ASAP2: variants seen among roughly 807,000 people sequenced by gnomAD.
ASAP2 encodes the protein arf-GAP with SH3 domain, ANK repeat and PH domain-containing protein 2.
In ASAP2, 45 loss-of-function variants were observed where a neutral mutation model predicts 131.4. That is an observed-to-expected ratio of 0.34 (90% CI 0.27 to 0.44). The LOEUF (loss-of-function observed/expected upper bound fraction) is 0.44. ASAP2 is among the 20% of genes least tolerant of loss of function. ASAP2 has a pLI of 1.00. For synonymous variants in ASAP2, 510 were observed against 503.0 expected, an observed-to-expected ratio of 1.01 and a Z score of -0.19; for missense variants, 1,011 against 1,297.0, an observed-to-expected ratio of 0.78 and a Z score of 3.39.
At chr2:9,308,294 G>A (rs1040864601) in intron 3 of ASAP2, among the ~76,000 whole-genome samples, 4 of 152,198 alleles carry the variant, frequency 2.6e-5, no homozygotes, top group African/African-American at 9.7e-5. Flanking sequence ...ATGGCCGTGG[G>A]CAGGGGCAAG....
intron 20 of ASAP2, among the ~76,000 whole-genome samples, chr2:9,384,715 G>T (rs1242110032): frequency 6.6e-6 from 1 of 152,252 alleles, no homozygotes; most frequent in African/African-American, 2.4e-5. Flanking sequence ...GGGGTTCCAT[G>T]CCCTCCCTGG....
At chr2:9,241,066 C>CT in intron 1 of ASAP2, among the ~76,000 whole-genome samples, 1 of 152,136 alleles carries the variant, frequency 6.6e-6, no homozygotes, top group East Asian at 1.9e-4. Context: ...TATTTCTGGA[C>CT]TTTTCTGTGG....
At chr2:9,252,190 T>C (rs1163185577) in intron 1 of ASAP2, among the ~76,000 whole-genome samples, 1 of 152,214 alleles carries the variant, frequency 6.6e-6, no homozygotes, top group Non-Finnish European at 1.5e-5. Flanking sequence ...CTGCTAGGAC[T>C]GCATTGGAGT....
At position 9,213,199 on chromosome 2, in the gene ASAP2, C is replaced by T. The variant is rs571246213; in HGVS notation, c.126+5969C>T. 1.1e-4 allele frequency among the ~76,000 whole-genome samples: 16 copies of T among 152,304 alleles called. No individual in the cohort carries two copies. In the East Asian group the frequency reaches 3.1e-3, roughly 29 times the overall value. On this transcript the variant is annotated intron_variant, in intron 1 of 27. Coordinates refer to ENST00000281419, the MANE Select transcript of ASAP2 (RefSeq NM_003887.3). ...CCTCTCTGCAGAGGTGACATTTGAG[C>T]AGGCTGGAATGCAGAGAGGAAGCCA... is the stretch of plus-strand genomic sequence containing the variant.
intron 16 of ASAP2, among the ~76,000 whole-genome samples, chr2:9,371,065 G>A (rs558638502): frequency 1.3e-5 from 2 of 152,308 alleles, no homozygotes; most frequent in South Asian, 2.1e-4. Context: ...CTGGGGCTAG[G>A]CGATTCTAAA....
chr2:9,350,556 C>T (rs767637785), intron 11 of ASAP2: 16 of 367,044 alleles, frequency 4.4e-5, no homozygotes, highest in South Asian at 1.1e-4. Context: ...CATCGCTTGT[C>T]CTCTTGTCCA....
chr2:9,270,843 A>T (rs1572311316), intron 1 of ASAP2, among the ~76,000 whole-genome samples: 1 of 115,210 alleles, frequency 8.7e-6, no homozygotes, highest in African/African-American at 3.5e-5. Context: ...CCCAGGCTGG[A>T]GTGCAGTGGC....
chr2:9,384,807 T>C (rs985497376), intron 20 of ASAP2, among the ~76,000 whole-genome samples: 1 of 152,220 alleles, frequency 6.6e-6, no homozygotes, highest in African/African-American at 2.4e-5. Flanking sequence ...TGGAAGCTTC[T>C]TGGTGTCAGC....
chr2:9,394,405 C>T (rs1381880128), intron 24 of ASAP2, among the ~76,000 whole-genome samples: 10 of 152,074 alleles, frequency 6.6e-5, no homozygotes, highest in African/African-American at 2.4e-4. Flanking sequence ...ACCTCGTGAT[C>T]CACCTGCCTC....
chr2:9,332,229 C>G (rs957793895), intron 7 of ASAP2, among the ~76,000 whole-genome samples: 1 of 152,114 alleles, frequency 6.6e-6, no homozygotes, highest in African/African-American at 2.4e-5. Context: ...ATGGGCTCAA[C>G]TTAAGAAAAT....
chr2:9,214,681 T>G (rs933867454), intron 1 of ASAP2, among the ~76,000 whole-genome samples: 11 of 152,084 alleles, frequency 7.2e-5, no homozygotes, highest in African/African-American at 2.7e-4. Flanking sequence ...TTGACTGATT[T>G]AGTTTCTTCA....
chr2:9,383,760 A>G (rs771389002), intron 20 of ASAP2, among the ~76,000 whole-genome samples: 1 of 152,130 alleles, frequency 6.6e-6, no homozygotes, highest in Non-Finnish European at 1.5e-5. Context: ...CTTGGAACCA[A>G]CCCAAATGTC....
At chr2:9,247,333 G>T (rs1181420448) in intron 1 of ASAP2, among the ~76,000 whole-genome samples, 1 of 152,178 alleles carries the variant, frequency 6.6e-6, no homozygotes, top group Non-Finnish European at 1.5e-5. Flanking sequence ...TCTTGGAACT[G>T]CTCCCAGTCC....
chr2:9,316,992 C>G (rs1330720946), intron 3 of ASAP2, among the ~76,000 whole-genome samples: 2 of 148,130 alleles, frequency 1.4e-5, no homozygotes, highest in Non-Finnish European at 3.0e-5. Context: ...CATGTCCACT[C>G]TCATACACTC....
chr2:9,368,118 T>C (rs145365491), intron 15 of ASAP2, among the ~76,000 whole-genome samples: 3 of 152,314 alleles, frequency 2.0e-5, no homozygotes, highest in East Asian at 1.9e-4. Flanking sequence ...GCACAGGTCA[T>C]TGGGAGGAGT....
chr2:9,351,538 T>TC (rs1361190227), intron 12 of ASAP2, among the ~76,000 whole-genome samples: 1 of 151,960 alleles, frequency 6.6e-6, no homozygotes, highest in Admixed American at 6.6e-5. Context: ...AGGGTTAGAG[T>TC]CTAGGGGAAG....
At chr2:9,243,724 C>T (rs558651611) in intron 1 of ASAP2, among the ~76,000 whole-genome samples, 3 of 152,270 alleles carry the variant, frequency 2.0e-5, no homozygotes, top group East Asian at 3.9e-4. Context: ...CATTCTGGTA[C>T]GTAGTCACTC....
intron 9 of ASAP2, among the ~76,000 whole-genome samples, chr2:9,343,699 G>A (rs1343421239): frequency 6.6e-6 from 1 of 152,162 alleles, no homozygotes; most frequent in East Asian, 1.9e-4. Context: ...CGCCCACCTT[G>A]GTCTCCCCAG....
intron 3 of ASAP2, among the ~76,000 whole-genome samples, chr2:9,301,820 C>CTTTTTT (rs1177064910): frequency 1.0e-4 from 12 of 115,398 alleles, no homozygotes; most frequent in Non-Finnish European, 1.2e-4. Context: ...TATCCATCAT[C>CTTTTTT]TTTTTTTTTT....
Sources: allele counts gnomAD v4.1 joint callset (sites outside exome capture counted in the v4.1 genomes callset), GRCh38; gene constraint gnomAD v4.1.1; transcripts MANE v1.5; gene names NCBI Gene and HGNC (gene_info 2026-07-23, HGNC 2026-07-21).